Variants in PPP2R2B observed in about 807,000 individuals in gnomAD.
The protein encoded by PPP2R2B is protein phosphatase 2 regulatory subunit Bbeta.
Under a neutral mutation model 46.0 loss-of-function variants are expected in PPP2R2B, and 5 were observed. The observed-to-expected ratio is 0.11, with a 90% CI of 0.06 to 0.23. The LOEUF (loss-of-function observed/expected upper bound fraction) is 0.23. Among genes scored for constraint, PPP2R2B ranks in the 10% least tolerant of loss-of-function variants. The pLI, the probability that PPP2R2B is intolerant of heterozygous loss-of-function variation, is 1.00. For synonymous variants in PPP2R2B, 215 were observed against 206.7 expected (o/e 1.04, Z -0.34); for missense variants, 367 against 575.0 (o/e 0.64, Z 3.70).
intron 2 of PPP2R2B, among the ~76,000 whole-genome samples, chr5:146,716,098 T>C (rs1780482348): frequency 6.6e-6 from 1 of 151,562 alleles, no homozygotes; most frequent in Non-Finnish European, 1.5e-5. Flanking sequence ...TTCTGCATTA[T>C]TATAATCTGA....
At chr5:146,701,003 A>T (rs564673279) in intron 3 of PPP2R2B, 42 bp downstream of exon 3, 1 of 1,526,996 alleles carries the variant, frequency 6.5e-7, no homozygotes, top group African/African-American at 1.4e-5. Flanking sequence ...GCCTCCTTTA[A>T]AAAGTGAAGA....
chr5:146,807,651 A>G (rs1358401867), intron 2 of PPP2R2B, among the ~76,000 whole-genome samples: 1 of 152,092 alleles, frequency 6.6e-6, no homozygotes, highest in Non-Finnish European at 1.5e-5. Context: ...TAACTTGCCC[A>G]AATTCCAAGC....
Position 146,587,628 on chromosome 5 carries a change from T to G in PPP2R2B, c.*2319A>C, listed in dbSNP as rs1235605164. On this transcript the variant is annotated 3_prime_UTR_variant, in exon 10 of 10. Transcript: ENST00000394411. ...TTTGATGCCCCTAAGGGCATAAATC[T>G]TCTGTCATATCAGTTACTCAGGGTC... 6.6e-6 allele frequency: 1 copy of G among 152,208 alleles called. No individual in the cohort carries two copies. The highest frequency in any genetic ancestry group is 1.5e-5 in the Non-Finnish European group (1 of 68,036). 9.4% of individuals were successfully genotyped at this position (152,208 alleles called of 1,614,324 possible).
At chr5:147,000,971 A>T (rs749956083) in intron 1 of PPP2R2B, among the ~76,000 whole-genome samples, 1 of 152,044 alleles carries the variant, frequency 6.6e-6, no homozygotes, top group Non-Finnish European at 1.5e-5. Flanking sequence ...GTGGGTTTGC[A>T]TTTTCTTTAT....
At chr5:146,848,278 C>G (rs1459141139) in intron 2 of PPP2R2B, among the ~76,000 whole-genome samples, 1 of 152,046 alleles carries the variant, frequency 6.6e-6, no homozygotes, top group Non-Finnish European at 1.5e-5. Context: ...TAGTGTGGTA[C>G]GTTTTTATAA....
chr5:146,660,585 C>T (rs976163200), intron 5 of PPP2R2B, among the ~76,000 whole-genome samples: 2 of 152,154 alleles, frequency 1.3e-5, no homozygotes. Flanking sequence ...AATGAAACTG[C>T]CACTCACCAG....
rs374987312 is a variant in PPP2R2B at position 146,922,888 on chromosome 5, AGGTTCTCTCT to A, written c.79+132767_79+132776del. Reference sequence around the variant, plus strand: ...CTGGCTCAGAGAACTACGAGGGAAGAGGTTCTCTCTCCCTGTTGGAGATTCATGTAGAACA... The same window carrying A: ...CTGGCTCAGAGAACTACGAGGGAAGACCCTGTTGGAGATTCATGTAGAACA... On this transcript the variant is annotated intron_variant, in intron 1 of 8. Coordinates refer to the PPP2R2B transcript ENST00000336640. 6.4e-3 allele frequency among the ~76,000 whole-genome samples: 979 copies of A among 152,302 alleles called. 9 individuals are homozygous for A. Among genetic ancestry groups the A allele is most frequent in the African/African-American group, 0.022 (935 of 41,566 alleles).
chr5:146,996,476 A>G (rs144533485), intron 1 of PPP2R2B, among the ~76,000 whole-genome samples: 8 of 152,198 alleles, frequency 5.3e-5, no homozygotes, highest in African/African-American at 1.7e-4. Flanking sequence ...GAACAACTTC[A>G]GCACCACACT....
chr5:146,780,901 G>C (rs1348457415), intron 2 of PPP2R2B, among the ~76,000 whole-genome samples: 1 of 151,728 alleles, frequency 6.6e-6, no homozygotes, highest in East Asian at 1.9e-4. Flanking sequence ...AATGGCTAAG[G>C]CATCACATGA....
At chr5:147,064,212 C>T (rs554649012) in intron 2 of PPP2R2B, among the ~76,000 whole-genome samples, 1 of 152,282 alleles carries the variant, frequency 6.6e-6, no homozygotes, top group East Asian at 1.9e-4. Flanking sequence ...ACACAATTAC[C>T]TTCCCCTTTG....
At chr5:146,828,407 T>C (rs185747329) in intron 2 of PPP2R2B, among the ~76,000 whole-genome samples, 162 of 152,272 alleles carry the variant, frequency 1.1e-3, no homozygotes, top group African/African-American at 3.6e-3. Context: ...GGCTGGTGCA[T>C]TGCTTTCAGA....
At chr5:146,813,590 T>C (rs1757757952) in intron 2 of PPP2R2B, among the ~76,000 whole-genome samples, 4 of 152,334 alleles carry the variant, frequency 2.6e-5, no homozygotes, top group Admixed American at 2.0e-4. Flanking sequence ...CATGGCAAGA[T>C]AATTTTTAAA....
At chr5:146,736,351 G>C (rs988863376) in intron 2 of PPP2R2B, among the ~76,000 whole-genome samples, 1 of 152,116 alleles carries the variant, frequency 6.6e-6, no homozygotes, top group African/African-American at 2.4e-5. Context: ...ACTAACAACT[G>C]AGCGTTATGC....
chr5:147,019,475 G>T (rs1441488102), intron 1 of PPP2R2B, among the ~76,000 whole-genome samples: 1 of 152,262 alleles, frequency 6.6e-6, no homozygotes, highest in East Asian at 1.9e-4. Context: ...ACATGAAGGT[G>T]GGAGGAAAGG....
At chr5:146,624,076 A>G (rs1206640688) in intron 7 of PPP2R2B, among the ~76,000 whole-genome samples, 1 of 152,194 alleles carries the variant, frequency 6.6e-6, no homozygotes, top group East Asian at 1.9e-4. Flanking sequence ...AAAAAAACCA[A>G]TCATTGTCAG....
intron 2 of PPP2R2B, among the ~76,000 whole-genome samples, chr5:146,790,645 A>G (rs780895848): frequency 6.6e-6 from 1 of 152,220 alleles, no homozygotes; most frequent in Non-Finnish European, 1.5e-5. Flanking sequence ...GCACACCTGC[A>G]CTGAGCCATA....
intron 7 of PPP2R2B, among the ~76,000 whole-genome samples, chr5:146,632,907 T>C (rs1261175961): frequency 1.3e-5 from 2 of 152,124 alleles, no homozygotes; most frequent in Non-Finnish European, 2.9e-5. Context: ...CCTGGAAATG[T>C]TGGCAGAGAC....
chr5:146,702,285 C>T (rs1032496597), intron 2 of PPP2R2B, among the ~76,000 whole-genome samples: 1 of 152,172 alleles, frequency 6.6e-6, no homozygotes, highest in Non-Finnish European at 1.5e-5. Flanking sequence ...TTCTCCACTT[C>T]ACATATAACT....
At chr5:146,673,932 T>C (rs1777539346) in intron 5 of PPP2R2B, among the ~76,000 whole-genome samples, 1 of 152,218 alleles carries the variant, frequency 6.6e-6, no homozygotes, top group Non-Finnish European at 1.5e-5. Context: ...CAGCAAGGGA[T>C]AGAAATATTC....
Sources: gnomAD v4.1 joint callset for allele counts (sites outside exome capture counted in the v4.1 genomes callset) on GRCh38, gnomAD v4.1.1 for gene constraint, MANE v1.5 for transcripts, NCBI Gene and HGNC (gene_info 2026-07-23, HGNC 2026-07-21) for gene names.